EGF: variants seen among roughly 807,000 people sequenced by gnomAD.
EGF encodes the protein epidermal growth factor.
Under a neutral mutation model 143.8 loss-of-function variants are expected in EGF, and 95 were observed. That is an observed-to-expected ratio of 0.66 (90% confidence interval 0.56 to 0.78). The LOEUF is 0.78. Ranked by LOEUF, EGF falls within the 30% of genes least tolerant of loss-of-function variation. EGF has a pLI of 0.00. For missense variants in EGF, 1,320 were observed against 1,470.9 expected (o/e 0.90, Z 1.68); for synonymous variants, 510 against 510.5 (o/e 1.00, Z 0.01).
At chr4:109,938,098 C>T (rs574054579) in intron 1 of EGF, among the ~76,000 whole-genome samples, 3 of 152,156 alleles carry the variant, frequency 2.0e-5, no homozygotes, top group East Asian at 1.9e-4. Flanking sequence ...GATAATATGC[C>T]GAAGAGTGTT....
chr4:109,974,253 TG>T (rs1244897189), intron 11 of EGF, among the ~76,000 whole-genome samples: 1 of 152,144 alleles, frequency 6.6e-6, no homozygotes, highest in Non-Finnish European at 1.5e-5. Context: ...TAGAATTAAA[TG>T]GAAGAAAATT....
At chr4:109,961,484 T>C (rs947607438) in intron 7 of EGF, among the ~76,000 whole-genome samples, 1 of 152,242 alleles carries the variant, frequency 6.6e-6, no homozygotes, top group Admixed American at 6.5e-5. Flanking sequence ...TCTTTGTCTG[T>C]ATTACCTTAT....
intron 1 of EGF, among the ~76,000 whole-genome samples, chr4:109,933,323 T>A (rs543677660): frequency 3.3e-5 from 5 of 152,328 alleles, no homozygotes; most frequent in Admixed American, 3.3e-4. Context: ...GATCTGGGAA[T>A]AATAATTTGA....
At position 109,959,206 on chromosome 4, in the gene EGF, T is replaced by C. The variant is rs11568925; in HGVS notation, c.941-106T>C. On this transcript the variant is annotated intron_variant, in intron 5 of 23. Coordinates refer to ENST00000265171, the MANE Select transcript of EGF (RefSeq NM_001963.6). ...AGTTTGCCTCCGTGAGAGATGCAGC[T>C]GTAGACGTTGTAGGGAGGTAAGACC... 22,718 of 1,548,112 alleles carry C rather than the reference T, an allele frequency of 0.015. 2,153 individuals are homozygous for C. In the East Asian group the frequency reaches 0.23, roughly 16 times the overall value.
At position 109,945,067 on chromosome 4, in the gene EGF, T is replaced by C. The variant is rs773710034; in HGVS notation, c.738-6T>C. 3 of 1,614,058 alleles carry C rather than the reference T, an allele frequency of 1.9e-6. No homozygotes were observed. Among genetic ancestry groups the C allele is most frequent in the Non-Finnish European group, 2.5e-6 (3 of 1,179,994 alleles). ...TGTTCTTTTTTCTTTTGTGGTTGCT[T>C]TTTAGGCATAATTTGTTTGCAATGT... is the stretch of plus-strand genomic sequence containing the variant. On this transcript the variant is annotated splice_polypyrimidine_tract_variant and splice_region_variant and intron_variant, in intron 4 of 23. Transcript: ENST00000265171.
intron 1 of EGF, among the ~76,000 whole-genome samples, chr4:109,918,036 G>A (rs1306400362): frequency 6.6e-6 from 1 of 152,148 alleles, no homozygotes; most frequent in Non-Finnish European, 1.5e-5. Flanking sequence ...CATGTAATAT[G>A]TACACTGTAC....
chr4:109,975,378 T>C (rs1384095193), intron 12 of EGF, among the ~76,000 whole-genome samples: 1 of 152,210 alleles, frequency 6.6e-6, no homozygotes, highest in Non-Finnish European at 1.5e-5. Context: ...TTATGGGAGA[T>C]AATATATTGA....
chr4:109,959,332 A>T lies in EGF; in HGVS notation c.961A>T (p.Arg321Trp). 3 of 1,613,662 alleles carry T rather than the reference A, an allele frequency of 1.9e-6. No individual in the cohort carries two copies. Among genetic ancestry groups the T allele is most frequent in the Non-Finnish European group, 2.5e-6 (3 of 1,179,900 alleles). ...WEPEQKLCKL[R>W]KGNCSSTVCG... ...TTTAGAGCAGAAACTTTGCAAATTG[A>T]GGAAAGGAAACTGCAGCAGCACTGT... The change falls in exon 6 of 24, where the codon AGG becomes TGG. Residue 321 changes from arginine (R) to tryptophan (W), a missense_variant. Physicochemically the swap from Arg to Trp is moderately radical, Grantham distance 101 (BLOSUM62 -3). Around this residue, in one of 5 missense-constraint regions of EGF, gnomAD observed 1,186 missense variants for 1,313.7 expected, o/e 0.90. Transcript: ENST00000265171.
intron 1 of EGF, among the ~76,000 whole-genome samples, chr4:109,923,645 G>T (rs777853275): frequency 6.6e-6 from 1 of 151,282 alleles, no homozygotes; most frequent in Non-Finnish European, 1.5e-5. Flanking sequence ...TTTGAGACAG[G>T]GTCTCACTCT....
chr4:110,001,980 C>T lies in EGF; in HGVS notation c.3173+2134C>T, dbSNP rs1177515641. 3 of 985,318 alleles carry T rather than the reference C, an allele frequency of 3.0e-6. No individual in the cohort carries two copies. In the Admixed American group the frequency reaches 1.8e-4, roughly 61 times the overall value. 61.0% of individuals were successfully genotyped at this position (985,318 alleles called of 1,614,324 possible). On this transcript the variant is annotated intron_variant, in intron 21 of 23. Coordinates refer to ENST00000265171, the MANE Select transcript of EGF (RefSeq NM_001963.6). The stretch of plus-strand genomic sequence containing the variant: ...GCATAACTACGTTTGCACTATAGAT[C>T]AATTCTGACAAGATCAAATTAAAAC...
chr4:109,950,041 T>C (rs1743589719), intron 5 of EGF, among the ~76,000 whole-genome samples: 1 of 152,186 alleles, frequency 6.6e-6, no homozygotes, highest in Admixed American at 6.5e-5. Context: ...TTCTGGGCCT[T>C]GCTTGCTTGC....
chr4:109,950,169 C>T (rs895701998), intron 5 of EGF, among the ~76,000 whole-genome samples: 5 of 152,144 alleles, frequency 3.3e-5, no homozygotes, highest in African/African-American at 1.2e-4. Flanking sequence ...AGCATGTCTA[C>T]TTGGATTTCT....
At chr4:109,932,360 C>CATATATATATATATATATATATTTATAT (rs57424246) in intron 1 of EGF, among the ~76,000 whole-genome samples, 1 of 87,052 alleles carries the variant, frequency 1.1e-5, no homozygotes, top group Non-Finnish European at 2.3e-5. Context: ...CCCATTTAGT[C>CATATATATATATATATATATATTTATAT]ATATATATAT....
At chr4:109,947,893 T>C (rs1743113019) in intron 5 of EGF, among the ~76,000 whole-genome samples, 1 of 152,212 alleles carries the variant, frequency 6.6e-6, no homozygotes, top group South Asian at 2.1e-4. Flanking sequence ...TAATTCATCA[T>C]TGAGAAACCT....
intron 10 of EGF, 139 bp from the exon 11 acceptor site, chr4:109,968,832 G>C (rs942337189): frequency 2.0e-5 from 21 of 1,049,042 alleles, no homozygotes; most frequent in Non-Finnish European, 2.7e-5. Flanking sequence ...AAGCAGCCTA[G>C]TTCGAATTTA....
intron 1 of EGF, among the ~76,000 whole-genome samples, chr4:109,932,412 T>C (rs1197766962): frequency 6.9e-6 from 1 of 143,986 alleles, no homozygotes; most frequent in Non-Finnish European, 1.5e-5. Flanking sequence ...GGAGTCTCGC[T>C]CTGTTGCCCA....
At chr4:109,989,870 A>T (rs1750687664) in intron 18 of EGF, among the ~76,000 whole-genome samples, 1 of 151,414 alleles carries the variant, frequency 6.6e-6, no homozygotes, top group South Asian at 2.1e-4. Flanking sequence ...GAGTCCTCAA[A>T]CTCCATGAAA....
At chr4:109,986,479 T>G (rs1014763649) in intron 16 of EGF, among the ~76,000 whole-genome samples, 1 of 152,224 alleles carries the variant, frequency 6.6e-6, no homozygotes, top group Non-Finnish European at 1.5e-5. Flanking sequence ...AGAAATCTTC[T>G]CGCTCAAGTA....
chr4:109,941,569 G>A (rs952383464), intron 2 of EGF, among the ~76,000 whole-genome samples: 3 of 152,130 alleles, frequency 2.0e-5, no homozygotes, highest in Non-Finnish European at 2.9e-5. Flanking sequence ...AGGTGGAGAC[G>A]ATACAGGCAT....
Sources: allele counts gnomAD v4.1 joint callset (sites outside exome capture counted in the v4.1 genomes callset), GRCh38; gene constraint gnomAD v4.1.1; regional missense constraint gnomAD v4.1.1; transcripts MANE v1.5; gene names NCBI Gene and HGNC (gene_info 2026-07-23, HGNC 2026-07-21).